The following ATP8A1 variants were observed in gnomAD, a reference collection of about 807,000 sequenced individuals.
ATP8A1 encodes phospholipid-transporting ATPase IA.
In ATP8A1, 90 loss-of-function variants were observed where a neutral mutation model predicts 177.7. The ratio of observed to expected loss-of-function variants is 0.51; its 90% CI spans 0.43 to 0.60. ATP8A1 has a LOEUF of 0.60. Among genes scored for constraint, ATP8A1 ranks in the 20% least tolerant of loss-of-function variants. The probability of loss-of-function intolerance (pLI) is 0.00; values close to 1 mark genes in which losing one functional copy is unlikely to be tolerated. For missense variants in ATP8A1, 1,072 were observed against 1,392.8 expected (o/e 0.77, Z 3.67); for synonymous variants, 493 against 485.9 (o/e 1.01, Z -0.19).
At chr4:42,593,779 T>G (rs898319605) in intron 6 of ATP8A1, among the ~76,000 whole-genome samples, 3 of 152,046 alleles carry the variant, frequency 2.0e-5, no homozygotes, top group African/African-American at 7.2e-5. Flanking sequence ...ATTATTTAAA[T>G]TAAGTAACTG....
In ATP8A1 at chr4:42,411,312, A is replaced by C. The variant is rs1167642060; in HGVS notation, c.*1604T>G. 2.0e-5 allele frequency: 3 copies of C among 152,220 alleles called. No homozygotes were observed. Among genetic ancestry groups the C allele is most frequent in the African/African-American group, 7.2e-5 (3 of 41,456 alleles). 9.4% of individuals were successfully genotyped at this position (152,220 alleles called of 1,614,324 possible). On this transcript the variant is annotated 3_prime_UTR_variant, in exon 37 of 37. Transcript: ENST00000381668. ...AAATCTAGATTGAGAAAAAGGGTGA[A>C]AAGAATGTGAAAATATTAAACTCGA... is the stretch of plus-strand genomic sequence containing the variant.
intron 25 of ATP8A1, among the ~76,000 whole-genome samples, chr4:42,471,294 G>C (rs1315591394): frequency 1.3e-5 from 2 of 152,150 alleles, no homozygotes; most frequent in Non-Finnish European, 2.9e-5. Context: ...AACATCTGTT[G>C]ATATACTGTG....
At chr4:42,580,022 G>A in intron 10 of ATP8A1, 44 bp from the exon 11 acceptor site, 1 of 1,471,870 alleles carries the variant, frequency 6.8e-7, no homozygotes, top group Non-Finnish European at 9.3e-7. Flanking sequence ...GTACACCAAT[G>A]ATTTAGCAAT....
chr4:42,622,588 A>C (rs192816302), intron 4 of ATP8A1, among the ~76,000 whole-genome samples: 155 of 152,322 alleles, frequency 1.0e-3, no homozygotes, highest in African/African-American at 3.6e-3. Flanking sequence ...AAAGAAAAAA[A>C]AACAACAGAG....
intron 5 of ATP8A1, among the ~76,000 whole-genome samples, chr4:42,605,173 A>G (rs1735669708): frequency 1.3e-5 from 2 of 152,222 alleles, no homozygotes; most frequent in South Asian, 4.1e-4. Context: ...ATGGTATGTG[A>G]ACTATAACTG....
At chr4:42,511,925 T>C (rs1275284425) in intron 22 of ATP8A1, among the ~76,000 whole-genome samples, 4 of 152,138 alleles carry the variant, frequency 2.6e-5, no homozygotes, top group East Asian at 1.9e-4. Flanking sequence ...TTGGCAGAAA[T>C]TTCCTTAAAG....
intron 25 of ATP8A1, among the ~76,000 whole-genome samples, chr4:42,477,905 C>T (rs1325519285): frequency 6.6e-6 from 1 of 151,782 alleles, no homozygotes; most frequent in Non-Finnish European, 1.5e-5. Flanking sequence ...ACAGCTTGAG[C>T]CTTGGAGGTC....
intron 20 of ATP8A1, among the ~76,000 whole-genome samples, chr4:42,528,227 G>A (rs1726898356): frequency 6.6e-6 from 1 of 152,148 alleles, no homozygotes; most frequent in Non-Finnish European, 1.5e-5. Context: ...GCAACTGGCA[G>A]GATCCCCACA....
intron 25 of ATP8A1, among the ~76,000 whole-genome samples, chr4:42,478,555 T>TAC (rs1445694116): frequency 2.8e-5 from 4 of 145,026 alleles, no homozygotes; most frequent in Non-Finnish European, 4.6e-5. Flanking sequence ...ATAAGGGGAA[T>TAC]ACACACACAA....
At chr4:42,610,931 ACT>A (rs1263206995) in intron 5 of ATP8A1, among the ~76,000 whole-genome samples, 2 of 151,984 alleles carry the variant, frequency 1.3e-5, no homozygotes, top group Non-Finnish European at 2.9e-5. Flanking sequence ...AGGGAGCAAC[ACT>A]CTCTTTTTCA....
At chr4:42,425,173 C>A (rs1714445490) in intron 33 of ATP8A1, among the ~76,000 whole-genome samples, 1 of 151,798 alleles carries the variant, frequency 6.6e-6, no homozygotes, top group Non-Finnish European at 1.5e-5. Context: ...CCAAGGCATG[C>A]AACTGAAAAT....
At chr4:42,584,969 C>T (rs1733472489) in intron 9 of ATP8A1, among the ~76,000 whole-genome samples, 1 of 152,130 alleles carries the variant, frequency 6.6e-6, no homozygotes, top group Non-Finnish European at 1.5e-5. Flanking sequence ...TCTCTAGGCC[C>T]TTCTTCTATT....
At chr4:42,635,274 G>A (rs1261100612) in intron 1 of ATP8A1, among the ~76,000 whole-genome samples, 1 of 151,822 alleles carries the variant, frequency 6.6e-6, no homozygotes, top group African/African-American at 2.4e-5. Flanking sequence ...CTGGTAATAC[G>A]GTTATAGAAC....
chr4:42,592,009 T>G (rs962001738), intron 6 of ATP8A1, among the ~76,000 whole-genome samples: 1 of 152,128 alleles, frequency 6.6e-6, no homozygotes, highest in Non-Finnish European at 1.5e-5. Context: ...TCTCTTTCAG[T>G]TAAATGATTA....
At chr4:42,538,031 T>C (rs1004006983) in intron 20 of ATP8A1, among the ~76,000 whole-genome samples, 1 of 152,056 alleles carries the variant, frequency 6.6e-6, no homozygotes, top group Non-Finnish European at 1.5e-5. Context: ...TATAAGGCCA[T>C]AGTCACCAAA....
intron 5 of ATP8A1, among the ~76,000 whole-genome samples, chr4:42,614,212 C>T (rs1444483539): frequency 6.6e-6 from 1 of 151,982 alleles, no homozygotes; most frequent in Admixed American, 6.5e-5. Context: ...GGGTGGAGCA[C>T]CTGTGTGGTA....
chr4:42,628,494 C>A (rs546137332), intron 1 of ATP8A1, among the ~76,000 whole-genome samples: 19 of 152,190 alleles, frequency 1.2e-4, no homozygotes, highest in African/African-American at 4.6e-4. Context: ...CAGCCAACCA[C>A]TGAAAGCTTT....
intron 1 of ATP8A1, among the ~76,000 whole-genome samples, chr4:42,656,110 C>T (rs891098779): frequency 1.6e-4 from 24 of 152,212 alleles, no homozygotes; most frequent in African/African-American, 5.8e-4. Flanking sequence ...AGCTTACTTG[C>T]TTCTACCCCG....
At chr4:42,426,707 C>T (rs73235562) in intron 33 of ATP8A1, among the ~76,000 whole-genome samples, 27,458 of 152,154 alleles carry the variant, frequency 0.18, 2,992 homozygotes, top group South Asian at 0.3. Context: ...CCATGAGCTT[C>T]ATGGAAGCAA....
Sources: allele counts gnomAD v4.1 joint callset (sites outside exome capture counted in the v4.1 genomes callset), GRCh38; gene constraint gnomAD v4.1.1; transcripts MANE v1.5; gene names NCBI Gene and HGNC (gene_info 2026-07-23, HGNC 2026-07-21).